CUL3: variants seen among roughly 807,000 people sequenced by gnomAD.
CUL3 encodes cullin-3.
In CUL3, 19 loss-of-function variants were observed where a neutral mutation model predicts 89.1. That is an observed-to-expected ratio of 0.21 (90% CI 0.15 to 0.31). The LOEUF is 0.31. CUL3 is among the 10% of genes least tolerant of loss of function. The probability of loss-of-function intolerance (pLI) is 1.00; values close to 1 mark genes in which losing one functional copy is unlikely to be tolerated. For missense variants in CUL3, 469 were observed against 942.3 expected (o/e 0.50, Z 6.58); for synonymous variants, 351 against 308.4 (o/e 1.14, Z -1.45).
chr2:224,506,864 A>G lies in CUL3; in HGVS notation c.1023T>C (p.Tyr341=), dbSNP rs143485308. 3.3e-4 allele frequency: 529 copies of G among 1,612,806 alleles called. No individual in the cohort carries two copies. Among genetic ancestry groups the G allele is most frequent in the Non-Finnish European group, 4.3e-4 (511 of 1,179,554 alleles). ...EEGEGKNPVD[Y]IQGLLDLKSR... ...ATCTTCTGGGTTTACTTACCTGGAT[A>G]TAGTCAACAGGATTCTTTCCTTCTC... The change falls in exon 7 of 16, where the codon TAT becomes TAC. Residue 341 remains tyrosine (Y), a synonymous_variant. Coordinates refer to ENST00000264414, the MANE Select transcript of CUL3 (RefSeq NM_003590.5).
At chr2:224,545,173 T>A (rs1184672924) in intron 2 of CUL3, among the ~76,000 whole-genome samples, 2 of 152,214 alleles carry the variant, frequency 1.3e-5, no homozygotes, top group African/African-American at 4.8e-5. Flanking sequence ...TTAAGTTTTG[T>A]AGGTATTTTA....
chr2:224,508,949 A>G (rs13026411), intron 6 of CUL3, among the ~76,000 whole-genome samples: 68,490 of 130,064 alleles, frequency 0.53, 16,803 homozygotes, highest in East Asian at 0.65. Flanking sequence ...GCGACAGAGC[A>G]AGACTTCGTC....
intron 1 of CUL3, among the ~76,000 whole-genome samples, chr2:224,580,215 G>A (rs1695400911): frequency 6.6e-6 from 1 of 152,200 alleles, no homozygotes; most frequent in Admixed American, 6.5e-5. Flanking sequence ...AGGCGGGAAA[G>A]CTTATAAACT....
At chr2:224,584,424 T>G (rs1695522682) in intron 1 of CUL3, among the ~76,000 whole-genome samples, 2 of 152,128 alleles carry the variant, frequency 1.3e-5, no homozygotes, top group Admixed American at 1.3e-4. Flanking sequence ...GTGGAACCAC[T>G]GTCACTGCGT....
At chr2:224,538,891 C>A (rs988599314) in intron 2 of CUL3, among the ~76,000 whole-genome samples, 4 of 152,054 alleles carry the variant, frequency 2.6e-5, no homozygotes, top group African/African-American at 9.7e-5. Flanking sequence ...ATTTTAAGTA[C>A]GATGCAGTAG....
chr2:224,473,550 A>G lies in CUL3; in HGVS notation c.*695T>C, dbSNP rs1691208487. 5.4e-6 allele frequency: 1 copy of G among 183,886 alleles called. No homozygotes were observed. The highest frequency in any genetic ancestry group is 1.2e-5 in the Non-Finnish European group (1 of 86,360). 11.4% of individuals were successfully genotyped at this position (183,886 alleles called of 1,614,324 possible). A position where few individuals can be genotyped will look rare whatever the true frequency, so the allele number is the denominator to read the frequency against. On this transcript the variant is annotated 3_prime_UTR_variant, in exon 16 of 16. Transcript: ENST00000264414. ...ACTAAAATACTTTCTTTCTCTAGAA[A>G]TAACTCAGAACAAAACCTAATCATT...
chr2:224,552,996 T>C (rs557497364), intron 2 of CUL3, among the ~76,000 whole-genome samples: 1 of 152,252 alleles, frequency 6.6e-6, no homozygotes, highest in African/African-American at 2.4e-5. Flanking sequence ...CTGATTTTCA[T>C]GCAAACTATG....
chr2:224,559,129 A>G (rs1162894482), intron 1 of CUL3, among the ~76,000 whole-genome samples: 1 of 151,962 alleles, frequency 6.6e-6, no homozygotes, highest in East Asian at 1.9e-4. Context: ...TTCCTCTGGT[A>G]GATAATTTCC....
At position 224,504,050 on chromosome 2, in the gene CUL3, T is replaced by C. The variant is rs1016178567; in HGVS notation, c.1207-228A>G. 5 of 384,078 alleles carry C rather than the reference T, an allele frequency of 1.3e-5. No homozygotes were observed. The South Asian group carries it at 2.2e-4, about 17-fold the overall frequency. 23.8% of individuals were successfully genotyped at this position (384,078 alleles called of 1,614,324 possible). A position where few individuals can be genotyped will look rare whatever the true frequency, so the allele number is the denominator to read the frequency against. On this transcript the variant is annotated intron_variant, in intron 8 of 15. Coordinates refer to ENST00000264414, the MANE Select transcript of CUL3 (RefSeq NM_003590.5). Reference sequence around the variant, plus strand: ...AATGAGGGGTTGGAGTGGAATTCTATTCCGTAGAGGGCTACCACTGAATTG... The same window carrying C: ...AATGAGGGGTTGGAGTGGAATTCTACTCCGTAGAGGGCTACCACTGAATTG...
At chr2:224,504,361 G>A (rs554197095) in intron 8 of CUL3, 1 of 152,226 alleles carries the variant, frequency 6.6e-6, no homozygotes, top group East Asian at 1.9e-4. Flanking sequence ...GCCCAGGCTG[G>A]AGCGCAATGG....
intron 6 of CUL3, among the ~76,000 whole-genome samples, chr2:224,508,109 A>ATTTTT (rs34859247): frequency 2.7e-5 from 4 of 146,858 alleles, no homozygotes; most frequent in African/African-American, 1.0e-4. Flanking sequence ...AATACTCTTG[A>ATTTTT]TTTTTTTTTT....
intron 2 of CUL3, among the ~76,000 whole-genome samples, chr2:224,539,281 T>C (rs780357765): frequency 6.0e-4 from 92 of 152,298 alleles, no homozygotes; most frequent in Non-Finnish European, 1.0e-3. Flanking sequence ...CCTTTGAGAA[T>C]GGCCAAAACA....
chr2:224,566,576 T>C (rs1423282220), intron 1 of CUL3, among the ~76,000 whole-genome samples: 1 of 152,230 alleles, frequency 6.6e-6, no homozygotes, highest in Non-Finnish European at 1.5e-5. Context: ...ATTTTCTTGA[T>C]GGTGTCTGGG....
At chr2:224,561,987 A>G (rs979357958) in intron 1 of CUL3, among the ~76,000 whole-genome samples, 1 of 152,238 alleles carries the variant, frequency 6.6e-6, no homozygotes, top group Non-Finnish European at 1.5e-5. Context: ...TATACTGCTA[A>G]TAGCTGAGCA....
chr2:224,553,477 A>C (rs939873045), intron 2 of CUL3, among the ~76,000 whole-genome samples: 3 of 152,220 alleles, frequency 2.0e-5, no homozygotes, highest in Non-Finnish European at 4.4e-5. Context: ...TAGTACAATC[A>C]ACTTGAATGC....
Position 224,576,866 on chromosome 2 carries a change from TCA to T in CUL3, c.66+8076_66+8077del, listed in dbSNP as rs1437476076. ...ACTTACTCTAAGGATTACATGTGAATCATATATGAACTTCTGTTTTTGAAGCC... is the reference window on the plus strand; with the variant it reads ...ACTTACTCTAAGGATTACATGTGAATTATATGAACTTCTGTTTTTGAAGCC... On this transcript the variant is annotated intron_variant, in intron 1 of 15. Coordinates refer to ENST00000264414, the MANE Select transcript of CUL3 (RefSeq NM_003590.5). Among the ~76,000 whole-genome samples the T allele has an allele frequency of 7.9e-5, 12 of 152,328 alleles. No homozygotes were observed. The East Asian group carries it at 2.3e-3, about 29-fold the overall frequency.
intron 11 of CUL3, among the ~76,000 whole-genome samples, chr2:224,498,364 AT>A (rs1692247837): frequency 6.6e-6 from 1 of 152,090 alleles, no homozygotes. Context: ...TTTTTCTTGA[AT>A]TTTTATATTT....
At chr2:224,537,519 A>G (rs1693940181) in intron 2 of CUL3, among the ~76,000 whole-genome samples, 1 of 152,190 alleles carries the variant, frequency 6.6e-6, no homozygotes, top group Non-Finnish European at 1.5e-5. Flanking sequence ...TGAATAATGT[A>G]TCATTTGTTT....
chr2:224,502,723 T>G (rs1692439085), intron 10 of CUL3, among the ~76,000 whole-genome samples: 1 of 152,200 alleles, frequency 6.6e-6, no homozygotes, highest in African/African-American at 2.4e-5. Context: ...ATTCTCTTTA[T>G]TAAATTGTCA....
Sources: gnomAD v4.1 joint callset for allele counts (sites outside exome capture counted in the v4.1 genomes callset) on GRCh38, gnomAD v4.1.1 for gene constraint, MANE v1.5 for transcripts, NCBI Gene and HGNC (gene_info 2026-07-23, HGNC 2026-07-21) for gene names.